The following COTL1 variants were observed in gnomAD, a reference collection of about 807,000 sequenced individuals.
COTL1 encodes coactosin like F-actin binding protein 1.
In COTL1, 15 loss-of-function variants were observed where a neutral mutation model predicts 16.5. The ratio of observed to expected loss-of-function variants is 0.91; its 90% confidence interval spans 0.61 to 1.40. COTL1 has a LOEUF of 1.40. COTL1 is among the 40% of genes most tolerant of loss of function. COTL1 has a pLI of 0.00. For synonymous variants in COTL1, 112 were observed against 85.3 expected (o/e 1.31, Z -1.73); for missense variants, 220 against 201.5 (o/e 1.09, Z -0.56).
chr16:84,581,162 TAA>T (rs1491212995), intron 3 of COTL1, among the ~76,000 whole-genome samples: 1 of 150,740 alleles, frequency 6.6e-6, no homozygotes, highest in Non-Finnish European at 1.5e-5. Flanking sequence ...AACAAACAAA[TAA>T]ATATATGTAT....
intron 2 of COTL1, among the ~76,000 whole-genome samples, chr16:84,603,563 G>C (rs113607564): frequency 0.016 from 2,393 of 151,008 alleles, 64 homozygotes; most frequent in African/African-American, 0.055. Context: ...AATCGGGCCT[G>C]GCACACAGGA....
chr16:84,585,825 A>T (rs543866102), intron 3 of COTL1, among the ~76,000 whole-genome samples: 1 of 152,372 alleles, frequency 6.6e-6, no homozygotes, highest in South Asian at 2.1e-4. Flanking sequence ...AACATTCGTA[A>T]GTGGAGAGGT....
chr16:84,569,488 C>G lies in COTL1; in HGVS notation c.319-2533G>C, dbSNP rs117000845. Among the ~76,000 whole-genome samples the G allele has an allele frequency of 5.8e-3, 885 of 152,276 alleles. 6 individuals are homozygous for G. Among genetic ancestry groups the G allele is most frequent in the Middle Eastern group, 0.017 (5 of 294 alleles). On this transcript the variant is annotated intron_variant, in intron 3 of 3. Transcript: ENST00000262428. ...ACAATGCATTTGGCGCGCAAAGCCA[C>G]TGAGAACACTAACAAAGTGGAGAAC...
At chr16:84,611,517 C>A (rs557669140) in intron 2 of COTL1, among the ~76,000 whole-genome samples, 1 of 152,166 alleles carries the variant, frequency 6.6e-6, no homozygotes, top group Non-Finnish European at 1.5e-5. Context: ...AAAAATGAGA[C>A]CAGCGGTCTG....
At chr16:84,569,854 C>T (rs1162283515) in intron 3 of COTL1, among the ~76,000 whole-genome samples, 1 of 152,244 alleles carries the variant, frequency 6.6e-6, no homozygotes, top group South Asian at 2.1e-4. Flanking sequence ...AGGAAGCCAA[C>T]AGCTTAAGAT....
chr16:84,581,395 G>C (rs1199698833), intron 3 of COTL1, among the ~76,000 whole-genome samples: 1 of 152,182 alleles, frequency 6.6e-6, no homozygotes, highest in Non-Finnish European at 1.5e-5. Flanking sequence ...GTGCTAAGTG[G>C]TAACTCATGC....
chr16:84,571,221 G>A lies in COTL1; in HGVS notation c.319-4266C>T, dbSNP rs141879853. ...CTCCCGTCCTCACACGAGAGCCCCC[G>A]CCGCGTGACTGCCAAGGTGTACAGC... On this transcript the variant is annotated intron_variant, in intron 3 of 3. Transcript: ENST00000262428. Among the ~76,000 whole-genome samples the A allele has an allele frequency of 1.8e-3, 267 of 152,150 alleles. 2 individuals carry two copies. Among genetic ancestry groups the A allele is most frequent in the African/African-American group, 5.6e-3 (234 of 41,448 alleles).
intron 3 of COTL1, among the ~76,000 whole-genome samples, chr16:84,588,454 G>A (rs1904785302): frequency 1.3e-5 from 2 of 152,110 alleles, no homozygotes; most frequent in Admixed American, 1.3e-4. Flanking sequence ...CAGCTTTTCT[G>A]TTCTAAGGTC....
At chr16:84,591,051 C>T (rs1444660401) in intron 2 of COTL1, among the ~76,000 whole-genome samples, 1 of 152,050 alleles carries the variant, frequency 6.6e-6, no homozygotes, top group Non-Finnish European at 1.5e-5. Flanking sequence ...TTCCATTGAT[C>T]CACATTAAGT....
Position 84,617,563 on chromosome 16 carries a change from C to G in COTL1, c.98G>C (p.Gly33Ala). ...CTGCTCGCCGGGGACGATGGTGGAG[C>G]CGTCATATTTAAAAGTCACCCTTTG... ...AVIWVTFKYD[G>A]STIVPGEQGA... The change falls in exon 2 of 4, where the codon GGC becomes GCC. Residue 33 changes from glycine (G) to alanine (A), a missense_variant. Physicochemically the swap from Gly to Ala is moderately conservative, Grantham distance 60 (BLOSUM62 0). Coordinates refer to ENST00000262428, the MANE Select transcript of COTL1 (RefSeq NM_021149.5). The G allele has an allele frequency of 6.4e-7, 1 of 1,557,682 alleles. No homozygotes were observed. Among genetic ancestry groups the G allele is most frequent in the Non-Finnish European group, 8.7e-7 (1 of 1,150,004 alleles).
chr16:84,579,714 G>C (rs940455877), intron 3 of COTL1, among the ~76,000 whole-genome samples: 3 of 152,190 alleles, frequency 2.0e-5, no homozygotes, highest in Non-Finnish European at 2.9e-5. Context: ...CGAAGACTAA[G>C]CGTGTGTGCT....
intron 3 of COTL1, among the ~76,000 whole-genome samples, chr16:84,569,476 C>T (rs1022726820): frequency 1.3e-5 from 2 of 152,108 alleles, no homozygotes; most frequent in Non-Finnish European, 1.5e-5. Flanking sequence ...ATGCATTTGG[C>T]GCGCAAAGCC....
intron 2 of COTL1, among the ~76,000 whole-genome samples, chr16:84,591,312 T>C (rs1480129887): frequency 6.6e-6 from 1 of 151,008 alleles, no homozygotes. Flanking sequence ...GCCTCCCGAG[T>C]AGCTGGGACT....
chr16:84,614,462 G>C (rs1361253707), intron 2 of COTL1, among the ~76,000 whole-genome samples: 1 of 152,054 alleles, frequency 6.6e-6, no homozygotes, highest in East Asian at 1.9e-4. Context: ...AGGGGAGGCT[G>C]GGTGGAGAGA....
chr16:84,577,408 CTATTTTTTG>C (rs1457460622), intron 3 of COTL1, among the ~76,000 whole-genome samples: 1 of 152,142 alleles, frequency 6.6e-6, no homozygotes, highest in Non-Finnish European at 1.5e-5. Flanking sequence ...TCACACCCAG[CTATTTTTTG>C]TATTTTTAGT....
Position 84,590,122 on chromosome 16 carries a change from C to G in COTL1, c.301G>C (p.Val101Leu). ...CTCAGTACCTGTACGACCTCCTTCACCAGGGTCTTGTCCGTCCCGGTTTTG... is the reference window on the plus strand; with the variant it reads ...CTCAGTACCTGTACGACCTCCTTCAGCAGGGTCTTGTCCGTCCCGGTTTTG... ...RAKTGTDKTL[V>L]KEVVQNFAKE... is the part of the protein sequence containing the mutation. The change falls in exon 3 of 4, where the codon GTG (valine) becomes CTG (leucine). Residue 101 changes from valine (V) to leucine (L), a missense_variant. Transcript: ENST00000262428. This position sits in a 1 kb window ranked among gnomAD's most constrained non-coding sequence, Gnocchi z 5.5. The G allele has an allele frequency of 6.2e-7, 1 of 1,613,860 alleles. No individual in the cohort carries two copies. Among genetic ancestry groups the G allele is most frequent in the Non-Finnish European group, 8.5e-7 (1 of 1,179,732 alleles).
At chr16:84,599,089 TC>T (rs1162553309) in intron 2 of COTL1, among the ~76,000 whole-genome samples, 29 of 104,578 alleles carry the variant, frequency 2.8e-4, no homozygotes, top group African/African-American at 8.8e-4. Context: ...CTCCCCCCCT[TC>T]CCCCTCCCAC....
intron 2 of COTL1, among the ~76,000 whole-genome samples, chr16:84,605,517 C>G (rs1905195004): frequency 6.6e-6 from 1 of 152,228 alleles, no homozygotes; most frequent in Non-Finnish European, 1.5e-5. Flanking sequence ...ATGGGAGATT[C>G]TCCTGGGTTA....
At chr16:84,597,702 G>A (rs905471899) in intron 2 of COTL1, among the ~76,000 whole-genome samples, 2 of 152,188 alleles carry the variant, frequency 1.3e-5, no homozygotes, top group African/African-American at 4.8e-5. Context: ...GGACAGAAAA[G>A]CTGAAGTGCT....
Sources: allele counts gnomAD v4.1 joint callset (sites outside exome capture counted in the v4.1 genomes callset), GRCh38; gene constraint gnomAD v4.1.1; non-coding constraint Gnocchi (gnomAD v3.1); transcripts MANE v1.5; gene names NCBI Gene and HGNC (gene_info 2026-07-23, HGNC 2026-07-21).